Variants in RBM25 observed in about 807,000 individuals in gnomAD.
RBM25 encodes the protein RNA binding motif protein 25.
In RBM25, 19 loss-of-function variants were observed where a neutral mutation model predicts 120.7. The observed-to-expected ratio is 0.16, with a 90% CI of 0.11 to 0.23. The LOEUF (loss-of-function observed/expected upper bound fraction) is 0.23. Among genes scored for constraint, RBM25 ranks in the 10% least tolerant of loss-of-function variants. The pLI is 1.00. For synonymous variants in RBM25, 390 were observed against 326.7 expected, an observed-to-expected ratio of 1.19 and a Z score of -2.09; for missense variants, 605 against 1,041.5, an observed-to-expected ratio of 0.58 and a Z score of 5.77.
At chr14:73,106,425 A>C in intron 12 of RBM25, 140 bp downstream of exon 12, 1 of 750,968 alleles carries the variant, frequency 1.3e-6, no homozygotes, top group Non-Finnish European at 1.9e-6. Context: ...TATTTTGAGT[A>C]ATTTTGAGCC....
intron 17 of RBM25, 73 bp from the exon 18 acceptor site, chr14:73,114,213 T>C: frequency 1.8e-6 from 2 of 1,093,718 alleles, no homozygotes; most frequent in Non-Finnish European, 1.3e-6. Flanking sequence ...TGAGGATTCA[T>C]ACCTTAAAAT....
chr14:73,106,351 C>CTT, intron 12 of RBM25, 66 bp downstream of exon 12: 1 of 1,190,398 alleles, frequency 8.4e-7, no homozygotes, highest in Non-Finnish European at 1.2e-6. Flanking sequence ...TTACTGCTAA[C>CTT]TACAAGTAAC....
chr14:73,096,495 T>G (rs1201265486), intron 6 of RBM25, among the ~76,000 whole-genome samples: 1 of 152,220 alleles, frequency 6.6e-6, no homozygotes, highest in Non-Finnish European at 1.5e-5. Context: ...CTACATACAA[T>G]TTTGCTTTTT....
In RBM25 at chr14:73,099,756, AT is replaced by A. The variant is rs1896021804; in HGVS notation, c.867+8del. 1.3e-6 allele frequency: 2 copies of A among 1,597,112 alleles called. No individual in the cohort carries two copies. Among genetic ancestry groups the A allele is most frequent in the Non-Finnish European group, 1.7e-6 (2 of 1,175,948 alleles). On this transcript the variant is annotated splice_region_variant and intron_variant, in intron 9 of 18. Transcript: ENST00000261973. ...AATTCAGAGACACACATAAGGTAGTATTCTTGTCTTTTCACTTGATACCAAT... is the reference window on the plus strand; with the variant it reads ...AATTCAGAGACACACATAAGGTAGTATCTTGTCTTTTCACTTGATACCAAT...
intron 6 of RBM25, among the ~76,000 whole-genome samples, chr14:73,090,629 T>C (rs1454062615): frequency 1.3e-5 from 2 of 152,216 alleles, no homozygotes; most frequent in Non-Finnish European, 1.5e-5. Context: ...AGCAGATCTT[T>C]ATAGCTGTTT....
chr14:73,114,514 A>G (rs1297734374), intron 18 of RBM25, among the ~76,000 whole-genome samples, 181 bp downstream of exon 18: 1 of 151,988 alleles, frequency 6.6e-6, no homozygotes, highest in Admixed American at 6.6e-5. Context: ...CAGCCACCAC[A>G]CCTGGCCAGA....
intron 4 of RBM25, among the ~76,000 whole-genome samples, 170 bp downstream of exon 4, chr14:73,077,706 A>G (rs1172665553): frequency 6.6e-6 from 1 of 152,222 alleles, no homozygotes; most frequent in Admixed American, 6.5e-5. Flanking sequence ...TAGATTCACC[A>G]ATGAACATGT....
intron 14 of RBM25, among the ~76,000 whole-genome samples, chr14:73,110,132 A>G (rs1034327471): frequency 1.3e-5 from 2 of 149,838 alleles, no homozygotes; most frequent in Non-Finnish European, 3.0e-5. Context: ...TGATCCGCCC[A>G]TCTTGGCATC....
At position 73,120,675 on chromosome 14, in the gene RBM25, A is replaced by G. The variant is rs1009745055; in HGVS notation, c.*870A>G. The G allele has an allele frequency of 2.0e-5, 3 of 152,246 alleles. No homozygotes were observed. Among genetic ancestry groups the G allele is most frequent in the African/African-American group, 7.2e-5 (3 of 41,470 alleles). 9.4% of individuals were successfully genotyped at this position (152,246 alleles called of 1,614,324 possible). ...AGAGCTGTATTTAATGCATTTTTGCACTAATTGGTCCTTAGTTTAATTCTA... is the reference window on the plus strand; with the variant it reads ...AGAGCTGTATTTAATGCATTTTTGCGCTAATTGGTCCTTAGTTTAATTCTA... On this transcript the variant is annotated 3_prime_UTR_variant, in exon 19 of 19. Transcript: ENST00000261973.
rs569842373 is a variant in RBM25 at position 73,121,660 on chromosome 14, G to T, written c.*1855G>T. On this transcript the variant is annotated 3_prime_UTR_variant, in exon 19 of 19. Coordinates refer to ENST00000261973, the MANE Select transcript of RBM25 (RefSeq NM_021239.3). ...TGTGTCTGTCTTTTCTTAACATACT[G>T]CACTGTTCTTAAGCATCATATTGTG... is the stretch of plus-strand genomic sequence containing the variant. 1 of 152,282 alleles carries T rather than the reference G, an allele frequency of 6.6e-6. No homozygotes were observed. Among genetic ancestry groups the T allele is most frequent in the African/African-American group, 2.4e-5 (1 of 41,546 alleles). 9.4% of individuals were successfully genotyped at this position (152,282 alleles called of 1,614,324 possible).
intron 1 of RBM25, chr14:73,068,517 C>G (rs1212683995): frequency 2.3e-6 from 2 of 872,164 alleles, no homozygotes; most frequent in African/African-American, 3.4e-5. Context: ...TTTTCAAATT[C>G]CTTTAGTGGT....
rs759604247 is a variant in RBM25, at chr14:73,105,893, C to T, written c.1189C>T (p.Arg397Trp). The T allele has an allele frequency of 8.7e-6, 14 of 1,606,362 alleles. No individual in the cohort carries two copies. Among genetic ancestry groups the T allele is most frequent in the African/African-American group, 1.4e-5 (1 of 73,858 alleles). The change falls in exon 11 of 19, where the codon CGG becomes TGG. Residue 397 changes from arginine (R) to tryptophan (W), a missense_variant. By Grantham distance (101) the Arg-to-Trp change is moderately radical. Transcript: ENST00000261973. ...CAGAGATCGTGAAAGGGAACGAGAG[C>T]GGGAAAGAGAGAGAGAGAGAGAACG... The part of the protein sequence containing the change: ...KSRDRERERE[R>W]ERERERERER...
rs759554708 is a variant in RBM25 at position 73,109,484 on chromosome 14, C to G, written c.1684C>G (p.Leu562Val). The G allele has an allele frequency of 2.5e-6, 4 of 1,613,952 alleles. No individual in the cohort carries two copies. The highest frequency in any genetic ancestry group is 3.4e-6 in the Non-Finnish European group (4 of 1,179,890). Residue 562 changes from leucine (L) to valine (V), a missense_variant, in exon 14 of 19, where the codon CTC (leucine) becomes GTC (valine). Leu to Val is a conservative substitution (Grantham distance 32). This residue lies in a region of RBM25 where 465 missense variants were observed against 741.6 expected (regional missense o/e 0.63). Coordinates refer to ENST00000261973, the MANE Select transcript of RBM25 (RefSeq NM_021239.3). Reference sequence around the variant, plus strand: ...AGGGCATCCAGATCCAGATGCAGAGCTCCAGAGGGTAAGATACTGTACCAT... The same window carrying G: ...AGGGCATCCAGATCCAGATGCAGAGGTCCAGAGGGTAAGATACTGTACCAT... The part of the protein sequence containing the change: ...AEGHPDPDAE[L>V]QRMEQEAERR...
At chr14:73,119,644 G>T in intron 18 of RBM25, 69 bp from the exon 19 acceptor site, 3 of 1,591,366 alleles carry the variant, frequency 1.9e-6, no homozygotes, top group Non-Finnish European at 2.6e-6. Flanking sequence ...TTTTTATACT[G>T]GCCACTGTTT....
chr14:73,115,180 G>GTGTGTGTT (rs1555347338), intron 18 of RBM25, among the ~76,000 whole-genome samples: 55 of 151,768 alleles, frequency 3.6e-4, no homozygotes, highest in Admixed American at 2.0e-4. Context: ...GTGTGTGTGT[G>GTGTGTGTT]TGTGTGTGTT....
intron 6 of RBM25, among the ~76,000 whole-genome samples, chr14:73,093,162 G>GA (rs1450324738): frequency 6.6e-6 from 1 of 152,174 alleles, no homozygotes; most frequent in Non-Finnish European, 1.5e-5. Context: ...ACAAGTGCTG[G>GA]AAAAACAGTT....
rs1197644985 is a variant in RBM25, at chr14:73,103,157, G to A, written c.868-35G>A. 1.9e-6 allele frequency: 3 copies of A among 1,590,898 alleles called. No homozygotes were observed. In the East Asian group the frequency reaches 6.7e-5, roughly 36 times the overall value. On this transcript the variant is annotated intron_variant, in intron 9 of 18. Transcript: ENST00000261973. ...GAAAAATCTGAATACTGGAGCTACA[G>A]AGTTAACTCTAAAAGTGCTTTTATT...
chr14:73,109,758 A>C (rs971315391), intron 14 of RBM25, among the ~76,000 whole-genome samples: 1 of 151,880 alleles, frequency 6.6e-6, no homozygotes, highest in African/African-American at 2.4e-5. Flanking sequence ...GCGCCACTGC[A>C]CTCCAGCCTG....
chr14:73,063,274 C>T (rs914584054), intron 1 of RBM25, among the ~76,000 whole-genome samples: 4 of 151,072 alleles, frequency 2.6e-5, no homozygotes, highest in Non-Finnish European at 4.5e-5. Context: ...CTCAGCCTCC[C>T]GAGTAGCTGG....
Sources: gnomAD v4.1 joint callset for allele counts (sites outside exome capture counted in the v4.1 genomes callset) on GRCh38, gnomAD v4.1.1 for gene constraint, gnomAD v4.1.1 regional missense constraint, MANE v1.5 for transcripts, NCBI Gene and HGNC (gene_info 2026-07-23, HGNC 2026-07-21) for gene names.